Variants in CDH18 observed in about 807,000 individuals in gnomAD.
The protein encoded by CDH18 is cadherin-18.
A neutral mutation model predicts 67.9 loss-of-function variants in CDH18; 31 were observed. The observed-to-expected ratio is 0.46, with a 90% confidence interval of 0.34 to 0.62. CDH18 has a LOEUF of 0.62. CDH18 is among the 20% of genes least tolerant of loss of function. The pLI, the probability that CDH18 is intolerant of heterozygous loss-of-function variation, is 0.01. For missense variants in CDH18, 890 were observed against 975.5 expected (o/e 0.91, Z 1.17); for synonymous variants, 362 against 347.2 (o/e 1.04, Z -0.48).
chr5:20,564,836 T>A (rs1758411530), intron 1 of CDH18, among the ~76,000 whole-genome samples: 1 of 152,146 alleles, frequency 6.6e-6, no homozygotes, highest in African/African-American at 2.4e-5. Context: ...ATTTTTATAT[T>A]AAGTATAGTT....
At chr5:20,172,192 A>ATG (rs1366836167) in intron 2 of CDH18, among the ~76,000 whole-genome samples, 1 of 29,066 alleles carries the variant, frequency 3.4e-5, no homozygotes, top group East Asian at 1.5e-3. Flanking sequence ...CATTGTGTGT[A>ATG]TATATATATA....
chr5:19,765,534 C>G (rs1328101749), intron 3 of CDH18, among the ~76,000 whole-genome samples: 1 of 152,070 alleles, frequency 6.6e-6, no homozygotes, highest in Non-Finnish European at 1.5e-5. Context: ...CGTCACAGAA[C>G]ATCTTCTGGT....
At chr5:19,553,000 T>G (rs1257586952) in intron 8 of CDH18, among the ~76,000 whole-genome samples, 1 of 152,214 alleles carries the variant, frequency 6.6e-6, no homozygotes, top group African/African-American at 2.4e-5. Flanking sequence ...GATGAAAATT[T>G]ATTATTGAAA....
chr5:19,547,184 G>T lies in CDH18; in HGVS notation c.1254-3179C>A, dbSNP rs572607881. ...AAATGCTGAGGATGAGGGTTGAACT[G>T]GTTAGGAAATGACAGATGTCTTATC... On this transcript the variant is annotated intron_variant, in intron 8 of 12. Transcript: ENST00000382275. Among the ~76,000 whole-genome samples, 6 of 152,256 alleles carry T rather than the reference G, an allele frequency of 3.9e-5. No homozygotes were observed. The South Asian group carries it at 1.2e-3, about 32-fold the overall frequency.
At chr5:19,747,985 C>A (rs576651636) in intron 3 of CDH18, among the ~76,000 whole-genome samples, 1 of 149,920 alleles carries the variant, frequency 6.7e-6, no homozygotes, top group East Asian at 2.0e-4. Context: ...TGGTGGCGGG[C>A]GCCTGTAGTC....
intron 1 of CDH18, among the ~76,000 whole-genome samples, chr5:20,399,393 A>C (rs1019550857): frequency 2.6e-5 from 4 of 152,228 alleles, no homozygotes; most frequent in African/African-American, 7.2e-5. Flanking sequence ...ATGAATTCCT[A>C]GAGGAAGTAA....
chr5:19,584,648 A>C (rs1379781048), intron 7 of CDH18, among the ~76,000 whole-genome samples: 3 of 151,858 alleles, frequency 2.0e-5, no homozygotes, highest in Non-Finnish European at 4.4e-5. Flanking sequence ...GACTACATTA[A>C]AAAATATGTT....
intron 1 of CDH18, among the ~76,000 whole-genome samples, chr5:20,346,112 T>C (rs1331379208): frequency 2.0e-5 from 3 of 152,148 alleles, no homozygotes; most frequent in Admixed American, 1.3e-4. Flanking sequence ...CCGTTTAGAA[T>C]GGCTGTTTGG....
chr5:20,509,270 C>G (rs1169778151), intron 1 of CDH18, among the ~76,000 whole-genome samples: 1 of 152,134 alleles, frequency 6.6e-6, no homozygotes, highest in Non-Finnish European at 1.5e-5. Flanking sequence ...CCATTCTACT[C>G]TCTGCTTCTG....
At chr5:19,520,080 C>T (rs535278379) in intron 10 of CDH18, among the ~76,000 whole-genome samples, 11 of 152,124 alleles carry the variant, frequency 7.2e-5, no homozygotes, top group Non-Finnish European at 1.5e-4. Context: ...CTCCTACTTG[C>T]TCTATTTGCT....
chr5:20,548,569 C>A (rs1448136774), intron 1 of CDH18, among the ~76,000 whole-genome samples: 1 of 152,022 alleles, frequency 6.6e-6, no homozygotes, highest in Non-Finnish European at 1.5e-5. Context: ...TAACAATGCT[C>A]ATCTCACAGA....
intron 7 of CDH18, among the ~76,000 whole-genome samples, chr5:19,579,276 T>C (rs535993731): frequency 6.6e-6 from 1 of 152,128 alleles, no homozygotes; most frequent in East Asian, 1.9e-4. Context: ...AGTGAATGGC[T>C]CACTTTAGGA....
At chr5:20,426,367 T>C (rs1748299865) in intron 1 of CDH18, among the ~76,000 whole-genome samples, 1 of 151,376 alleles carries the variant, frequency 6.6e-6, no homozygotes, top group East Asian at 1.9e-4. Flanking sequence ...AGAGGATTCT[T>C]GAGAAATTAT....
At chr5:20,334,380 G>A (rs970339452) in intron 1 of CDH18, among the ~76,000 whole-genome samples, 46 of 151,280 alleles carry the variant, frequency 3.0e-4, no homozygotes, top group East Asian at 2.9e-3. Context: ...CTCGTGATCC[G>A]CCCGCCTCGG....
chr5:19,709,004 T>TATCAAAAAATAAATAAATAAA lies in CDH18; in HGVS notation c.643+12342_643+12343insTTTATTTATTTATTTTTTGAT, dbSNP rs70950088. On this transcript the variant is annotated intron_variant, in intron 5 of 12. Coordinates refer to ENST00000382275, the MANE Select transcript of CDH18 (RefSeq NM_004934.5). ...GCCCGGGCAACAGAACTAGACTCTG[T>TATCAAAAAATAAATAAATAAA]TAAATAAATAAATAAATAAATAAAT... 1.4e-3 allele frequency among the ~76,000 whole-genome samples: 213 copies of TATCAAAAAATAAATAAATAAA among 149,184 alleles called. 2 individuals are homozygous for TATCAAAAAATAAATAAATAAA. The highest frequency in any genetic ancestry group is 2.2e-3 in the South Asian group (10 of 4,584).
At chr5:19,794,592 A>G (rs1340653837) in intron 3 of CDH18, among the ~76,000 whole-genome samples, 2 of 152,002 alleles carry the variant, frequency 1.3e-5, no homozygotes, top group East Asian at 1.9e-4. Flanking sequence ...TCTCTCCCCT[A>G]ATATTCTATA....
At chr5:19,709,393 C>T (rs539046394) in intron 5 of CDH18, among the ~76,000 whole-genome samples, 1 of 151,906 alleles carries the variant, frequency 6.6e-6, no homozygotes, top group Non-Finnish European at 1.5e-5. Context: ...CATGGTGAAA[C>T]CCATCTCTAC....
intron 1 of CDH18, among the ~76,000 whole-genome samples, chr5:20,560,298 C>A (rs551420083): frequency 7.9e-5 from 12 of 152,010 alleles, no homozygotes; most frequent in Non-Finnish European, 1.5e-4. Context: ...ATTCCAGATA[C>A]CTAGATTGTT....
At chr5:20,501,984 A>T (rs932288994) in intron 1 of CDH18, among the ~76,000 whole-genome samples, 6 of 151,964 alleles carry the variant, frequency 3.9e-5, no homozygotes, top group African/African-American at 1.4e-4. Context: ...GACAGATATG[A>T]ATTTGCTATT....
Sources: gnomAD v4.1 joint callset for allele counts (sites outside exome capture counted in the v4.1 genomes callset) on GRCh38, gnomAD v4.1.1 for gene constraint, MANE v1.5 for transcripts, NCBI Gene and HGNC (gene_info 2026-07-23, HGNC 2026-07-21) for gene names.